CDH12: variants seen among roughly 807,000 people sequenced by gnomAD.
CDH12 encodes the protein cadherin-12.
Under a neutral mutation model 74.1 loss-of-function variants are expected in CDH12, and 41 were observed. That is an observed-to-expected ratio of 0.55 (90% CI 0.43 to 0.72). The LOEUF (loss-of-function observed/expected upper bound fraction) is 0.72. Ranked by LOEUF, CDH12 falls within the 30% of genes least tolerant of loss-of-function variation. CDH12 has a pLI of 0.00. For missense variants in CDH12, 945 were observed against 977.2 expected, an observed-to-expected ratio of 0.97 and a Z score of 0.44; for synonymous variants, 399 against 355.0, an observed-to-expected ratio of 1.12 and a Z score of -1.39.
At chr5:21,944,269 T>C (rs1037167460) in intron 6 of CDH12, among the ~76,000 whole-genome samples, 7 of 152,178 alleles carry the variant, frequency 4.6e-5, no homozygotes, top group Admixed American at 1.3e-4. Flanking sequence ...AATATTGGTG[T>C]GTAGAAAGAA....
At chr5:21,759,296 G>A (rs1410329019) in intron 13 of CDH12, among the ~76,000 whole-genome samples, 1 of 151,354 alleles carries the variant, frequency 6.6e-6, no homozygotes, top group African/African-American at 2.4e-5. Flanking sequence ...ACAGTAATGT[G>A]TAAAGACAAA....
intron 3 of CDH12, among the ~76,000 whole-genome samples, chr5:22,235,295 T>G (rs1228122096): frequency 6.6e-6 from 1 of 152,048 alleles, no homozygotes; most frequent in Non-Finnish European, 1.5e-5. Context: ...AAAAACAAAT[T>G]ATACGGCCAG....
At chr5:21,769,947 C>T (rs1283740063) in intron 11 of CDH12, among the ~76,000 whole-genome samples, 1 of 152,154 alleles carries the variant, frequency 6.6e-6, no homozygotes, top group East Asian at 1.9e-4. Context: ...CCTATGATTT[C>T]TATTGGAGTC....
chr5:22,191,572 T>A lies in CDH12; in HGVS notation c.-187+20926A>T, dbSNP rs555087524. ...CAATGGTCTTTTTATTTTTATTTTT[T>A]TTTTTTTTTTGAGACGGAGTCTCGC... On this transcript the variant is annotated intron_variant, in intron 4 of 14. Coordinates refer to ENST00000382254, the MANE Select transcript of CDH12 (RefSeq NM_004061.5). 1.7e-4 allele frequency among the ~76,000 whole-genome samples: 23 copies of A among 137,576 alleles called. 1 individual carries two copies. The highest frequency in any genetic ancestry group is 5.8e-4 in the African/African-American group (21 of 36,092). The allele number at this position is 137,576 out of a possible 152,430, so 90.3% of individuals were successfully genotyped here. A position where few individuals can be genotyped will look rare whatever the true frequency, so the allele number is the denominator to read the frequency against.
At chr5:22,027,643 G>A (rs540152947) in intron 5 of CDH12, among the ~76,000 whole-genome samples, 1 of 152,236 alleles carries the variant, frequency 6.6e-6, no homozygotes, top group African/African-American at 2.4e-5. Context: ...TTGTATTTCT[G>A]TGGGATCAGT....
rs1349699111 is a variant in CDH12 at position 21,864,382 on chromosome 5, G to A, written c.527-9592C>T. Among the ~76,000 whole-genome samples, 6 of 152,242 alleles carry A rather than the reference G, an allele frequency of 3.9e-5. No individual in the cohort carries two copies. The South Asian group carries it at 6.2e-4, about 16-fold the overall frequency. The stretch of plus-strand genomic sequence containing the variant: ...GTAGATACCATACAATCAGTTGGAA[G>A]CCCAAATAGAACAACAATAACAAAA... On this transcript the variant is annotated intron_variant, in intron 6 of 14. Transcript: ENST00000382254.
At chr5:21,828,417 T>C (rs1748803438) in intron 8 of CDH12, among the ~76,000 whole-genome samples, 1 of 152,072 alleles carries the variant, frequency 6.6e-6, no homozygotes, top group African/African-American at 2.4e-5. Flanking sequence ...CCACTGAGCC[T>C]GGCCAAAAAC....
chr5:22,820,375 G>T (rs1749630829), intron 1 of CDH12, among the ~76,000 whole-genome samples: 1 of 152,004 alleles, frequency 6.6e-6, no homozygotes, highest in South Asian at 2.1e-4. Flanking sequence ...AAATCATGGG[G>T]TCTGGTCTTT....
chr5:22,278,956 A>G (rs533867551), intron 3 of CDH12, among the ~76,000 whole-genome samples: 56 of 152,334 alleles, frequency 3.7e-4, no homozygotes, highest in African/African-American at 1.3e-3. Context: ...AGTAAAAGTT[A>G]CAGAGAAATA....
chr5:21,946,331 G>T (rs1219753877), intron 6 of CDH12, among the ~76,000 whole-genome samples: 1 of 152,002 alleles, frequency 6.6e-6, no homozygotes, highest in Non-Finnish European at 1.5e-5. Flanking sequence ...CATCTAAATG[G>T]GTAAAATTAA....
intron 3 of CDH12, among the ~76,000 whole-genome samples, chr5:22,246,537 G>C (rs1752950401): frequency 6.6e-6 from 1 of 151,984 alleles, no homozygotes; most frequent in Admixed American, 6.6e-5. Context: ...TAGTCCCCAG[G>C]CATTATTACA....
In CDH12 at chr5:22,842,306, TA is replaced by T. The variant is rs550296071; in HGVS notation, c.-523+10751del. Among the ~76,000 whole-genome samples the T allele has an allele frequency of 3.8e-3, 579 of 151,176 alleles. 3 individuals carry two copies. Among genetic ancestry groups the T allele is most frequent in the African/African-American group, 0.013 (528 of 41,270 alleles). On this transcript the variant is annotated intron_variant, in intron 1 of 14. Transcript: ENST00000382254. ...CTAAAATTATATATGCATAGACAGC[TA>T]AAAAAAAACTGTATGCAACATAAGG...
intron 2 of CDH12, among the ~76,000 whole-genome samples, chr5:22,422,687 T>C (rs1197758782): frequency 1.3e-5 from 2 of 152,186 alleles, no homozygotes; most frequent in Non-Finnish European, 2.9e-5. Context: ...AATTCAAATA[T>C]GTGCCAAAAG....
At chr5:22,131,641 A>C (rs1746186412) in intron 4 of CDH12, among the ~76,000 whole-genome samples, 1 of 152,244 alleles carries the variant, frequency 6.6e-6, no homozygotes, top group East Asian at 1.9e-4. Context: ...ACACACTGTC[A>C]ATAGGCAAAT....
chr5:22,793,149 G>C (rs1001953665), intron 1 of CDH12, among the ~76,000 whole-genome samples: 2 of 152,090 alleles, frequency 1.3e-5, no homozygotes, highest in African/African-American at 2.4e-5. Flanking sequence ...GATTCATACT[G>C]ATTTCACTGC....
At chr5:22,795,298 G>A (rs774372908) in intron 1 of CDH12, among the ~76,000 whole-genome samples, 3 of 152,198 alleles carry the variant, frequency 2.0e-5, no homozygotes, top group Non-Finnish European at 4.4e-5. Flanking sequence ...TGTCGAAATG[G>A]TTCTTCTCAT....
intron 5 of CDH12, among the ~76,000 whole-genome samples, chr5:22,035,416 G>A (rs1157377379): frequency 6.6e-6 from 1 of 151,886 alleles, no homozygotes; most frequent in Non-Finnish European, 1.5e-5. Context: ...ATGTCATAAT[G>A]TTAACTACCG....
At chr5:22,159,113 G>T (rs899054567) in intron 4 of CDH12, among the ~76,000 whole-genome samples, 29 of 152,024 alleles carry the variant, frequency 1.9e-4, no homozygotes, top group African/African-American at 7.0e-4. Flanking sequence ...GGAGAAAATA[G>T]ATGAGGAATG....
At chr5:22,257,912 A>AC (rs1199305772) in intron 3 of CDH12, among the ~76,000 whole-genome samples, 1 of 152,158 alleles carries the variant, frequency 6.6e-6, no homozygotes, top group Non-Finnish European at 1.5e-5. Flanking sequence ...TAAATGGGTT[A>AC]ATCTAAGTGT....
Sources: gnomAD v4.1 joint callset for allele counts (sites outside exome capture counted in the v4.1 genomes callset) on GRCh38, gnomAD v4.1.1 for gene constraint, MANE v1.5 for transcripts, NCBI Gene and HGNC (gene_info 2026-07-23, HGNC 2026-07-21) for gene names.